Variants in MYPN observed in about 807,000 individuals in gnomAD.
MYPN encodes sarcomeric protein myopalladin, 145 kDa (MYOP).
In MYPN, 63 loss-of-function variants were observed where a neutral mutation model predicts 129.4. The observed-to-expected ratio is 0.49, with a 90% CI of 0.40 to 0.60. The LOEUF is 0.60. MYPN is among the 20% of genes least tolerant of loss of function. The probability of loss-of-function intolerance (pLI) is 0.00; values close to 1 mark genes in which losing one functional copy is unlikely to be tolerated. For missense variants in MYPN, 1,596 were observed against 1,635.4 expected (o/e 0.98, Z 0.42); for synonymous variants, 629 against 600.9 (o/e 1.05, Z -0.68).
At chr10:68,116,078 G>C (rs1350526257) in intron 1 of MYPN, among the ~76,000 whole-genome samples, 1 of 152,042 alleles carries the variant, frequency 6.6e-6, no homozygotes, top group African/African-American at 2.4e-5. Context: ...GTTCCATTAG[G>C]ATAGAGACTT....
chr10:68,111,315 A>T (rs1026519524), intron 1 of MYPN, among the ~76,000 whole-genome samples: 1 of 152,238 alleles, frequency 6.6e-6, no homozygotes, highest in Non-Finnish European at 1.5e-5. Flanking sequence ...GTTAGTTCCT[A>T]CACGTAATAG....
intron 10 of MYPN, among the ~76,000 whole-genome samples, chr10:68,169,453 A>G (rs2043111851): frequency 6.6e-6 from 1 of 152,040 alleles, no homozygotes; most frequent in South Asian, 2.1e-4. Flanking sequence ...GTCCTCAGGT[A>G]CGTCGGTTAG....
In MYPN at chr10:68,182,211, TATATATATATAACACATATATATATAAC is replaced by T. The variant is rs1564686338; in HGVS notation, c.2704-6684_2704-6657del. Among the ~76,000 whole-genome samples, 225 of 143,912 alleles carry T rather than the reference TATATATATATAACACATATATATATAAC, an allele frequency of 1.6e-3. 3 individuals carry two copies. The highest frequency in any genetic ancestry group is 5.5e-3 in the African/African-American group (212 of 38,886). The allele number at this position is 143,912 out of a possible 152,430, so 94.4% of individuals were successfully genotyped here. A position where few individuals can be genotyped will look rare whatever the true frequency, so the allele number is the denominator to read the frequency against. On this transcript the variant is annotated intron_variant, in intron 12 of 19. Transcript: ENST00000358913. Reference sequence around the variant, plus strand: ...CCTCACTACCTGGTTACTAATGTTATATATATATATAACACATATATATATAACATATATATAACACACATATATATAT... The same window carrying T: ...CCTCACTACCTGGTTACTAATGTTATATATATATAACACACATATATATAT...
Position 68,199,564 on chromosome 10 carries a change from T to C in MYPN, c.3482T>C (p.Leu1161Pro). Residue 1161 changes from leucine (L) to proline (P), a missense_variant, in exon 17 of 20, where the codon CTC (leucine) becomes CCC (proline). Transcript: ENST00000358913. ...KTGQNSFSLE[L>P]SVVAKEVKKA... ...GGGCAGAATTCTTTTAGTCTGGAGCTCTCTGTAGTAGGTAAGGTTTGCTGC... is the reference window on the plus strand; with the variant it reads ...GGGCAGAATTCTTTTAGTCTGGAGCCCTCTGTAGTAGGTAAGGTTTGCTGC... The C allele has an allele frequency of 6.2e-7, 1 of 1,605,648 alleles. No homozygotes were observed. The highest frequency in any genetic ancestry group is 8.5e-7 in the Non-Finnish European group (1 of 1,176,366).
chr10:68,189,976 TAC>T, intron 13 of MYPN, among the ~76,000 whole-genome samples: 1 of 152,348 alleles, frequency 6.6e-6, no homozygotes, highest in East Asian at 1.9e-4. Flanking sequence ...TGCACTACTT[TAC>T]ATTTCCACCA....
chr10:68,144,285 CT>C (rs1476333617), intron 3 of MYPN, among the ~76,000 whole-genome samples: 1 of 152,076 alleles, frequency 6.6e-6, no homozygotes, highest in African/African-American at 2.4e-5. Context: ...TTCTTTAGCA[CT>C]TTTTTCACCA....
chr10:68,195,521 TCAGTCTCACAGGTAAAGA>T lies in MYPN; in HGVS notation c.3152_3158+11del. On this transcript the variant is annotated splice_donor_variant and splice_donor_5th_base_variant and coding_sequence_variant and intron_variant, in exon 15 of 20. Coordinates refer to ENST00000358913, the MANE Select transcript of MYPN (RefSeq NM_032578.4). LOFTEE classifies it high-confidence loss of function. ...TTCGCAGTCGGCTAACCTCTGCTGG[TCAGTCTCACAGGTAAAGA>T]CAGTAAGAATTCCCCCTCTCTAGGC... The T allele has an allele frequency of 6.2e-7, 1 of 1,614,028 alleles. No homozygotes were observed. Among genetic ancestry groups the T allele is most frequent in the Non-Finnish European group, 8.5e-7 (1 of 1,179,896 alleles).
chr10:68,163,092 A>G (rs2043002628), intron 8 of MYPN, among the ~76,000 whole-genome samples: 1 of 152,098 alleles, frequency 6.6e-6, no homozygotes, highest in African/African-American at 2.4e-5. Flanking sequence ...CACATGAGTT[A>G]AAGACCAGCC....
chr10:68,108,322 A>G (rs1226615258), upstream of MYPN, among the ~76,000 whole-genome samples: 8 of 152,318 alleles, frequency 5.3e-5, no homozygotes, highest in East Asian at 1.2e-3. Flanking sequence ...GAAATTTTAT[A>G]TCTGTTCAAT....
At chr10:68,094,776 T>A (rs967556862) in intron 1 of MYPN, among the ~76,000 whole-genome samples, 1 of 152,040 alleles carries the variant, frequency 6.6e-6, no homozygotes, top group African/African-American at 2.4e-5. Context: ...ATATAAAGCA[T>A]GGGGGCTGGA....
chr10:68,127,319 CTTTTTTTTT>C (rs71470508), intron 2 of MYPN, among the ~76,000 whole-genome samples: 1 of 72,540 alleles, frequency 1.4e-5, no homozygotes, highest in Non-Finnish European at 2.4e-5. Flanking sequence ...ACACATATAT[CTTTTTTTTT>C]TTTTTTTTTT....
intron 10 of MYPN, among the ~76,000 whole-genome samples, chr10:68,171,325 G>A (rs2043141860): frequency 6.6e-6 from 1 of 152,174 alleles, no homozygotes; most frequent in Non-Finnish European, 1.5e-5. Context: ...GGGGCCAAAT[G>A]TTTCTTTAGG....
intron 1 of MYPN, among the ~76,000 whole-genome samples, chr10:68,099,685 G>A (rs2041973054): frequency 6.6e-6 from 1 of 152,064 alleles, no homozygotes; most frequent in African/African-American, 2.4e-5. Flanking sequence ...GATGCACAGA[G>A]AGAATTGCTT....
At position 68,122,195 on chromosome 10, in the gene MYPN, G is replaced by A; in HGVS notation, c.757G>A (p.Gly253Arg). ...SEAAGGDTTP[G>R]SSPSSLYYEE... ...GGCGGCTGGTGGAGACACTACACCA[G>A]GGTCTTCCCCTTCATCTCTGTACTA... The change falls in exon 2 of 20, where the codon GGG (glycine) becomes AGG (arginine). Residue 253 changes from glycine to arginine, a missense_variant. Gly to Arg is a moderately radical substitution (Grantham distance 125). Coordinates refer to ENST00000358913, the MANE Select transcript of MYPN (RefSeq NM_032578.4). 1.2e-6 allele frequency: 2 copies of A among 1,609,532 alleles called. No individual in the cohort carries two copies. Among genetic ancestry groups the A allele is most frequent in the Non-Finnish European group, 1.7e-6 (2 of 1,177,634 alleles).
rs191507152 is a variant in MYPN, at chr10:68,184,360, A to G, written c.2704-4545A>G. ...ATTGGTAAAAGGATCGGATGCATGA[A>G]TGACCCAAATAAGATTTACCAGAGT... On this transcript the variant is annotated intron_variant, in intron 12 of 19. Transcript: ENST00000358913. Among the ~76,000 whole-genome samples, 17 of 152,346 alleles carry G rather than the reference A, an allele frequency of 1.1e-4. No homozygotes were observed. In the East Asian group the frequency reaches 2.9e-3, roughly 26 times the overall value.
chr10:68,153,683 GA>G (rs1175651296), intron 6 of MYPN, among the ~76,000 whole-genome samples: 1 of 152,192 alleles, frequency 6.6e-6, no homozygotes, highest in Admixed American at 6.5e-5. Flanking sequence ...TTCCATCAGT[GA>G]GGGCAGGATT....
At chr10:68,203,142 A>G (rs948047012) in intron 18 of MYPN, among the ~76,000 whole-genome samples, 1 of 152,146 alleles carries the variant, frequency 6.6e-6, no homozygotes, top group Non-Finnish European at 1.5e-5. Context: ...TTTAGTCACC[A>G]CTTCCTGGGG....
At chr10:68,125,084 A>G (rs143485457) in intron 2 of MYPN, among the ~76,000 whole-genome samples, 1 of 152,152 alleles carries the variant, frequency 6.6e-6, no homozygotes, top group African/African-American at 2.4e-5. Flanking sequence ...CATCCTACTC[A>G]TTTTTCAACC....
At chr10:68,194,242 T>G (rs960447773) in intron 13 of MYPN, 121 bp from the exon 14 acceptor site, 9 of 1,016,906 alleles carry the variant, frequency 8.9e-6, no homozygotes, top group Non-Finnish European at 5.9e-6. Context: ...TTTTTTCAAG[T>G]GCTTCATAAA....
Sources: allele counts gnomAD v4.1 joint callset (sites outside exome capture counted in the v4.1 genomes callset), GRCh38; gene constraint gnomAD v4.1.1; transcripts MANE v1.5; gene names NCBI Gene and HGNC (gene_info 2026-07-23, HGNC 2026-07-21).